MYO3A: variants seen among roughly 807,000 people sequenced by gnomAD.
MYO3A encodes myosin IIIA.
MYO3A carries 180 observed loss-of-function variants against 192.7 expected under a neutral mutation model. The ratio of observed to expected loss-of-function variants is 0.93; its 90% CI spans 0.83 to 1.06. The LOEUF (loss-of-function observed/expected upper bound fraction) is 1.06, where lower values mean the gene tolerates loss of function less well. MYO3A is among the 50% of genes least tolerant of loss of function. The probability of loss-of-function intolerance (pLI) is 0.00; values close to 1 mark genes in which losing one functional copy is unlikely to be tolerated. For synonymous variants in MYO3A, 628 were observed against 645.3 expected (o/e 0.97, Z 0.41); for missense variants, 1,896 against 1,905.0 (o/e 1.00, Z 0.09).
intron 28 of MYO3A, among the ~76,000 whole-genome samples, chr10:26,169,910 G>A: frequency 6.6e-6 from 1 of 152,168 alleles, no homozygotes; most frequent in East Asian, 1.9e-4. Flanking sequence ...CCCCAACTTA[G>A]TAAAAATATT....
chr10:25,943,405 A>G (rs1356864577), intron 2 of MYO3A, among the ~76,000 whole-genome samples: 2 of 152,014 alleles, frequency 1.3e-5, no homozygotes, highest in African/African-American at 2.4e-5. Flanking sequence ...ATTTATTTCT[A>G]TTTCTGCAAA....
intron 31 of MYO3A, among the ~76,000 whole-genome samples, chr10:26,183,687 A>G (rs941394044): frequency 6.6e-6 from 1 of 152,182 alleles, no homozygotes; most frequent in Non-Finnish European, 1.5e-5. Flanking sequence ...ATCGGCATTC[A>G]GTTGGCAGGA....
chr10:26,202,369 A>G (rs151272032), intron 33 of MYO3A, among the ~76,000 whole-genome samples: 17 of 152,362 alleles, frequency 1.1e-4, no homozygotes, highest in African/African-American at 3.8e-4. Context: ...CCAGAGCACC[A>G]TAGGAACCAG....
intron 31 of MYO3A, among the ~76,000 whole-genome samples, chr10:26,191,007 A>C (rs1397302119): frequency 1.3e-5 from 2 of 152,178 alleles, no homozygotes; most frequent in Admixed American, 1.3e-4. Flanking sequence ...TTATGATAGT[A>C]ATGTTCTGAT....
chr10:26,107,889 G>C (rs1487409107), intron 17 of MYO3A, among the ~76,000 whole-genome samples: 2 of 151,630 alleles, frequency 1.3e-5, no homozygotes, highest in African/African-American at 4.8e-5. Context: ...TGTATTATTG[G>C]TTTTAATTTG....
rs183028633 is a variant in MYO3A, at chr10:25,999,835, A to C, written c.508+2577A>C. Among the ~76,000 whole-genome samples, 3 of 152,278 alleles carry C rather than the reference A, an allele frequency of 2.0e-5. No individual in the cohort carries two copies. In the East Asian group the frequency reaches 5.8e-4, roughly 29 times the overall value. ...ACTCATTGCTCAAAACGAAAATCTT[A>C]AGCTCATCCTCGAGTCTTCCCTTGT... is the stretch of plus-strand genomic sequence containing the variant. On this transcript the variant is annotated intron_variant, in intron 6 of 34. Transcript: ENST00000642920.
intron 17 of MYO3A, among the ~76,000 whole-genome samples, chr10:26,103,257 G>T (rs1837586651): frequency 6.6e-6 from 1 of 152,200 alleles, no homozygotes; most frequent in Admixed American, 6.5e-5. Context: ...ATTAGGGTGG[G>T]AGTGTCCCGA....
At chr10:25,990,971 A>T (rs570125304) in intron 4 of MYO3A, among the ~76,000 whole-genome samples, 1 of 152,176 alleles carries the variant, frequency 6.6e-6, no homozygotes, top group East Asian at 1.9e-4. Flanking sequence ...CGCAATAAAC[A>T]TATGTGTGCA....
chr10:26,002,088 A>AT (rs1398907826), intron 6 of MYO3A, among the ~76,000 whole-genome samples: 1 of 152,138 alleles, frequency 6.6e-6, no homozygotes, highest in Non-Finnish European at 1.5e-5. Flanking sequence ...ACTGAGCTTT[A>AT]TTTTTCTTCC....
At chr10:26,135,226 G>A (rs560398460) in intron 20 of MYO3A, among the ~76,000 whole-genome samples, 8 of 152,118 alleles carry the variant, frequency 5.3e-5, no homozygotes, top group Non-Finnish European at 1.0e-4. Context: ...ATCTAGTAAA[G>A]TAATCTCCTG....
At chr10:25,993,712 G>A (rs1423379416) in intron 4 of MYO3A, among the ~76,000 whole-genome samples, 1 of 152,132 alleles carries the variant, frequency 6.6e-6, no homozygotes, top group East Asian at 1.9e-4. Flanking sequence ...GGTATGTTGT[G>A]TCTTCATTCT....
intron 6 of MYO3A, among the ~76,000 whole-genome samples, chr10:26,013,153 A>C (rs1246139356): frequency 6.6e-6 from 1 of 152,128 alleles, no homozygotes; most frequent in Admixed American, 6.5e-5. Context: ...TAAATATAAC[A>C]CCTGAACCTA....
intron 10 of MYO3A, among the ~76,000 whole-genome samples, chr10:26,062,580 T>A (rs1391265965): frequency 8.2e-6 from 1 of 122,450 alleles, no homozygotes; most frequent in African/African-American, 2.8e-5. Flanking sequence ...TAAGACACTA[T>A]TTCTGTCATT....
intron 26 of MYO3A, among the ~76,000 whole-genome samples, chr10:26,163,760 G>A (rs1011115243): frequency 1.3e-5 from 2 of 152,202 alleles, no homozygotes; most frequent in Admixed American, 6.6e-5. Context: ...AGTTAGGGTT[G>A]ATGGTGTAAA....
At chr10:26,183,125 G>T (rs1381808401) in intron 31 of MYO3A, among the ~76,000 whole-genome samples, 2 of 152,152 alleles carry the variant, frequency 1.3e-5, no homozygotes, top group African/African-American at 4.8e-5. Flanking sequence ...GTATCTGTGG[G>T]TCTCACCCCC....
chr10:26,075,084 A>G (rs1261743334), intron 14 of MYO3A, among the ~76,000 whole-genome samples: 3 of 151,956 alleles, frequency 2.0e-5, no homozygotes, highest in African/African-American at 7.2e-5. Context: ...TTTCATTTCT[A>G]TTCCACTAGT....
At chr10:26,073,161 T>C (rs12263812) in intron 14 of MYO3A, among the ~76,000 whole-genome samples, 71,864 of 151,566 alleles carry the variant, frequency 0.47, 17,767 homozygotes, top group Middle Eastern at 0.59. Context: ...GAGGTTGAGG[T>C]TGCAGTAAGC....
chr10:26,008,020 G>T (rs892266795), intron 6 of MYO3A, among the ~76,000 whole-genome samples: 7 of 151,006 alleles, frequency 4.6e-5, no homozygotes, highest in Non-Finnish European at 1.0e-4. Flanking sequence ...GCGTGGTACT[G>T]GTACCAAAAC....
chr10:26,054,627 C>T (rs561488304), intron 10 of MYO3A, among the ~76,000 whole-genome samples: 1 of 152,252 alleles, frequency 6.6e-6, no homozygotes, highest in South Asian at 2.1e-4. Context: ...GGGAAATTAT[C>T]CGGGATTAGT....
Sources: gnomAD v4.1 joint callset for allele counts (sites outside exome capture counted in the v4.1 genomes callset) on GRCh38, gnomAD v4.1.1 for gene constraint, MANE v1.5 for transcripts, NCBI Gene and HGNC (gene_info 2026-07-23, HGNC 2026-07-21) for gene names.